The following ENTREP1 variants were observed in gnomAD, a reference collection of about 807,000 sequenced individuals.
The protein encoded by ENTREP1 is Friedreich ataxia region gene X123.
chr9:69,364,660 A>G, the ENTREP1 span, among the ~76,000 whole-genome samples: 2 of 152,250 alleles, frequency 1.3e-5, no homozygotes, highest in East Asian at 1.9e-4. Context: ...AATATTTTGT[A>G]TCCTGGAAGA....
At chr9:69,369,423 G>T in the ENTREP1 span, among the ~76,000 whole-genome samples, 1 of 152,102 alleles carries the variant, frequency 6.6e-6, no homozygotes, top group Non-Finnish European at 1.5e-5. Flanking sequence ...CTTCCACAAT[G>T]ATTAAACTAA....
the ENTREP1 span, among the ~76,000 whole-genome samples, chr9:69,340,716 TGC>T: frequency 7.2e-6 from 1 of 139,660 alleles, no homozygotes; most frequent in Admixed American, 7.3e-5. Flanking sequence ...TATGTGTGTG[TGC>T]ATGCATGTGT....
the ENTREP1 span, chr9:69,336,176 G>A: frequency 4.5e-4 from 503 of 1,121,332 alleles, no homozygotes; most frequent in Non-Finnish European, 5.8e-4. Context: ...ATTGGAATTG[G>A]TCCATTTTCT....
At chr9:69,347,264 T>A in the ENTREP1 span, among the ~76,000 whole-genome samples, 1 of 152,166 alleles carries the variant, frequency 6.6e-6, no homozygotes, top group Non-Finnish European at 1.5e-5. Flanking sequence ...AGCTGGAAGC[T>A]CAGCAGTAGG....
At chr9:69,341,201 A>G in the ENTREP1 span, among the ~76,000 whole-genome samples, 1 of 151,754 alleles carries the variant, frequency 6.6e-6, no homozygotes, top group African/African-American at 2.4e-5. Flanking sequence ...TTTTCTTGTC[A>G]ATTAGATGGG....
At chr9:69,324,919 C>T in the ENTREP1 span, 1 of 985,088 alleles carries the variant, frequency 1.0e-6, no homozygotes, top group Non-Finnish European at 1.2e-6. Context: ...CCGTGAGGTG[C>T]CTCCCACCTC....
the ENTREP1 span, among the ~76,000 whole-genome samples, chr9:69,343,277 G>A: frequency 5.3e-5 from 8 of 152,118 alleles, no homozygotes; most frequent in African/African-American, 1.9e-4. Context: ...TCTCATTTTC[G>A]CATTCACTTG....
chr9:69,362,638 A>G, the ENTREP1 span, among the ~76,000 whole-genome samples: 81 of 152,302 alleles, frequency 5.3e-4, 1 homozygote, highest in African/African-American at 1.8e-3. Context: ...GATTGGATTG[A>G]AGGATGCAAA....
the ENTREP1 span, among the ~76,000 whole-genome samples, chr9:69,367,799 AAATAT>A: frequency 2.0e-5 from 2 of 99,972 alleles, no homozygotes; most frequent in Non-Finnish European, 4.0e-5. Context: ...ACATATATAT[AAATAT>A]ATATACACAC....
the ENTREP1 span, among the ~76,000 whole-genome samples, chr9:69,348,452 A>G: frequency 3.2e-4 from 48 of 152,216 alleles, no homozygotes; most frequent in Non-Finnish European, 6.8e-4. Context: ...GATGTAGTTG[A>G]CACACCAAAA....
chr9:69,345,579 C>T, the ENTREP1 span, among the ~76,000 whole-genome samples: 1 of 152,060 alleles, frequency 6.6e-6, no homozygotes, highest in Non-Finnish European at 1.5e-5. Context: ...AAAATGGGAG[C>T]TCATTAGCCT....
At chr9:69,357,339 A>G in the ENTREP1 span, among the ~76,000 whole-genome samples, 1 of 152,146 alleles carries the variant, frequency 6.6e-6, no homozygotes, top group Non-Finnish European at 1.5e-5. Flanking sequence ...CTGGTAGGAG[A>G]AGCAAGAGGC....
the ENTREP1 span, among the ~76,000 whole-genome samples, chr9:69,340,620 T>TGTGCATGTGTGTGTGC: frequency 1.4e-5 from 1 of 73,724 alleles, no homozygotes; most frequent in Non-Finnish European, 2.7e-5. Flanking sequence ...TGCATGTGTG[T>TGTGCATGTGTGTGTGC]GTGCATGTGT....
At chr9:69,349,802 C>T in the ENTREP1 span, among the ~76,000 whole-genome samples, 8 of 152,250 alleles carry the variant, frequency 5.3e-5, no homozygotes, top group South Asian at 1.5e-3. Context: ...TGGGCAAAGT[C>T]ATCTAACACA....
the ENTREP1 span, chr9:69,324,611 C>G: frequency 1.0e-6 from 1 of 985,408 alleles, no homozygotes; most frequent in Non-Finnish European, 1.2e-6. Flanking sequence ...GCCGGGAAAG[C>G]ACTCCCGCGC....
At chr9:69,375,784 C>T in the ENTREP1 span, 9 of 1,613,836 alleles carry the variant, frequency 5.6e-6, no homozygotes, top group Admixed American at 1.5e-4. Flanking sequence ...AGAATTTCAA[C>T]CAGCCAAGTG....
At chr9:69,375,132 C>T in the ENTREP1 span, among the ~76,000 whole-genome samples, 2 of 152,186 alleles carry the variant, frequency 1.3e-5, no homozygotes, top group Admixed American at 6.5e-5. Flanking sequence ...TGCCAGGTAG[C>T]TGAAGTTTCT....
chr9:69,343,659 C>T, the ENTREP1 span, among the ~76,000 whole-genome samples: 1 of 152,190 alleles, frequency 6.6e-6, no homozygotes, highest in African/African-American at 2.4e-5. Context: ...AATATCAAAA[C>T]ATCATGTAAT....
At chr9:69,347,362 C>T in the ENTREP1 span, among the ~76,000 whole-genome samples, 1 of 152,228 alleles carries the variant, frequency 6.6e-6, no homozygotes, top group Non-Finnish European at 1.5e-5. Context: ...CAGATGAACT[C>T]TCCCTGCCCG....
Sources: allele counts gnomAD v4.1 joint callset (sites outside exome capture counted in the v4.1 genomes callset), GRCh38; gene constraint gnomAD v4.1.1; transcripts MANE v1.5; gene names NCBI Gene and HGNC (gene_info 2026-07-23, HGNC 2026-07-21).